TMC1: variants seen among roughly 807,000 people sequenced by gnomAD.
TMC1 encodes the protein transmembrane channel like 1.
TMC1 carries 84 observed loss-of-function variants against 105.8 expected under a neutral mutation model. The ratio of observed to expected loss-of-function variants is 0.79; its 90% CI spans 0.67 to 0.95. TMC1 has a LOEUF of 0.95. Ranked by LOEUF, TMC1 falls within the 40% of genes least tolerant of loss-of-function variation. TMC1 has a pLI of 0.00. For synonymous variants in TMC1, 315 were observed against 311.5 expected, an observed-to-expected ratio of 1.01 and a Z score of -0.12; for missense variants, 817 against 914.1, an observed-to-expected ratio of 0.89 and a Z score of 1.37.
intron 5 of TMC1, among the ~76,000 whole-genome samples, chr9:72,682,179 G>C (rs944731089): frequency 1.3e-5 from 2 of 152,058 alleles, no homozygotes; most frequent in African/African-American, 4.8e-5. Flanking sequence ...AGTTTTGGGG[G>C]CATTTATTAC....
At chr9:72,756,104 T>C (rs768349132) in intron 12 of TMC1, among the ~76,000 whole-genome samples, 4 of 152,208 alleles carry the variant, frequency 2.6e-5, no homozygotes, top group Admixed American at 6.5e-5. Context: ...TGAGGCACAA[T>C]GATAGCAACA....
chr9:72,595,046 A>G (rs532133441), intron 2 of TMC1, among the ~76,000 whole-genome samples: 1 of 152,032 alleles, frequency 6.6e-6, no homozygotes, highest in South Asian at 2.1e-4. Flanking sequence ...TTGTATTTTT[A>G]GTAGAGACGG....
chr9:72,711,725 C>A (rs1163740480), intron 8 of TMC1, among the ~76,000 whole-genome samples: 2 of 152,004 alleles, frequency 1.3e-5, no homozygotes, highest in African/African-American at 4.8e-5. Flanking sequence ...GATTGCCTGT[C>A]CAATCTGATA....
At chr9:72,585,190 G>T (rs1324579692) in intron 2 of TMC1, among the ~76,000 whole-genome samples, 1 of 144,924 alleles carries the variant, frequency 6.9e-6, no homozygotes, top group Non-Finnish European at 1.5e-5. Flanking sequence ...TTGCTCTGTC[G>T]CCCAGGCTGG....
chr9:72,762,938 T>G (rs1202996845), intron 12 of TMC1, among the ~76,000 whole-genome samples: 1 of 152,202 alleles, frequency 6.6e-6, no homozygotes, highest in African/African-American at 2.4e-5. Context: ...TTCTTTTGCT[T>G]TGTAAGCTTC....
At chr9:72,715,073 A>G (rs141343018) in intron 8 of TMC1, among the ~76,000 whole-genome samples, 1 of 152,284 alleles carries the variant, frequency 6.6e-6, no homozygotes, top group Non-Finnish European at 1.5e-5. Flanking sequence ...TATTTTCTTT[A>G]AGAATGTTGA....
chr9:72,588,344 C>G (rs1824585793), intron 2 of TMC1, among the ~76,000 whole-genome samples: 1 of 152,132 alleles, frequency 6.6e-6, no homozygotes, highest in African/African-American at 2.4e-5. Context: ...AACAGCTCCT[C>G]TCTATACCAT....
chr9:72,671,298 A>T (rs916291122), intron 5 of TMC1, among the ~76,000 whole-genome samples: 1 of 152,144 alleles, frequency 6.6e-6, no homozygotes, highest in African/African-American at 2.4e-5. Flanking sequence ...TTCTCTGGGT[A>T]TAGGGAGGGC....
At chr9:72,707,522 A>AT (rs1826763872) in intron 8 of TMC1, among the ~76,000 whole-genome samples, 1 of 151,986 alleles carries the variant, frequency 6.6e-6, no homozygotes, top group African/African-American at 2.4e-5. Context: ...GATGTTGAGC[A>AT]TTTTTTCATA....
At chr9:72,621,373 G>A (rs569846374) in intron 3 of TMC1, among the ~76,000 whole-genome samples, 1 of 152,178 alleles carries the variant, frequency 6.6e-6, no homozygotes, top group African/African-American at 2.4e-5. Flanking sequence ...AACATCCCTG[G>A]GAGTTAGTGT....
intron 5 of TMC1, among the ~76,000 whole-genome samples, chr9:72,674,716 C>T (rs931109136): frequency 1.2e-4 from 18 of 152,324 alleles, no homozygotes; most frequent in African/African-American, 4.1e-4. Flanking sequence ...ATTGCCTTGG[C>T]CTTTCCCTGC....
At chr9:72,695,232 A>T (rs573172285) in intron 7 of TMC1, among the ~76,000 whole-genome samples, 1 of 152,324 alleles carries the variant, frequency 6.6e-6, no homozygotes, top group Non-Finnish European at 1.5e-5. Flanking sequence ...TTATAGAAAG[A>T]AAGTGTGCTA....
intron 20 of TMC1, among the ~76,000 whole-genome samples, chr9:72,822,286 T>C (rs1828887027): frequency 6.6e-6 from 1 of 152,230 alleles, no homozygotes; most frequent in Admixed American, 6.5e-5. Context: ...GATGCTGTAA[T>C]GCCCACATAT....
chr9:72,628,837 C>G (rs1825398815), intron 4 of TMC1, among the ~76,000 whole-genome samples: 1 of 152,108 alleles, frequency 6.6e-6, no homozygotes, highest in Admixed American at 6.6e-5. Context: ...ATGATTAGAT[C>G]TAATTCTTTT....
At chr9:72,540,575 T>C (rs1823657699) in intron 1 of TMC1, among the ~76,000 whole-genome samples, 1 of 152,218 alleles carries the variant, frequency 6.6e-6, no homozygotes, top group South Asian at 2.1e-4. Context: ...TTGTCCTTAC[T>C]GTTTTGAAGT....
intron 5 of TMC1, among the ~76,000 whole-genome samples, chr9:72,671,425 A>C (rs1300611596): frequency 1.3e-5 from 2 of 152,190 alleles, no homozygotes; most frequent in Non-Finnish European, 2.9e-5. Context: ...TTAACATGCT[A>C]AGGTGTTACA....
At chr9:72,759,774 T>G (rs1827727084) in intron 12 of TMC1, among the ~76,000 whole-genome samples, 7 of 152,178 alleles carry the variant, frequency 4.6e-5, no homozygotes, top group Admixed American at 4.6e-4. Flanking sequence ...CTTATAAAGT[T>G]ACAGAAATTT....
intron 5 of TMC1, among the ~76,000 whole-genome samples, chr9:72,672,907 G>A (rs149063113): frequency 0.021 from 3,122 of 150,952 alleles, 41 homozygotes; most frequent in Non-Finnish European, 0.032. Flanking sequence ...AAAAGCAGCA[G>A]AATACACATT....
intron 23 of TMC1, among the ~76,000 whole-genome samples, chr9:72,831,443 AT>A (rs1462422828): frequency 2.0e-5 from 3 of 151,518 alleles, no homozygotes; most frequent in Admixed American, 2.0e-4. Context: ...ATATATATAT[AT>A]TTTTTAATTA....
Sources: gnomAD v4.1 joint callset for allele counts (sites outside exome capture counted in the v4.1 genomes callset) on GRCh38, gnomAD v4.1.1 for gene constraint, MANE v1.5 for transcripts, NCBI Gene and HGNC (gene_info 2026-07-23, HGNC 2026-07-21) for gene names.